The following SPIN1 variants were observed in gnomAD, a reference collection of about 807,000 sequenced individuals.
SPIN1 encodes the protein spindlin 1.
Under a neutral mutation model 26.0 loss-of-function variants are expected in SPIN1, and 3 were observed. The observed-to-expected ratio is 0.12, with a 90% CI of 0.05 to 0.30. The LOEUF is 0.30. Among genes scored for constraint, SPIN1 ranks in the 10% least tolerant of loss-of-function variants. SPIN1 has a pLI of 1.00. For missense variants in SPIN1, 126 were observed against 333.4 expected (o/e 0.38, Z 4.84); for synonymous variants, 101 against 116.5 (o/e 0.87, Z 0.86).
In SPIN1 at chr9:88,476,105, CAT is replaced by C. The variant is rs1828885191; in HGVS notation, c.*830_*831del. 1 of 151,412 alleles carries C rather than the reference CAT, an allele frequency of 6.6e-6. No homozygotes were observed. Among genetic ancestry groups the C allele is most frequent in the African/African-American group, 2.4e-5 (1 of 41,164 alleles). 9.4% of individuals were successfully genotyped at this position (151,412 alleles called of 1,614,324 possible). A position where few individuals can be genotyped will look rare whatever the true frequency, so the allele number is the denominator to read the frequency against. On this transcript the variant is annotated 3_prime_UTR_variant, in exon 6 of 6. Coordinates refer to ENST00000375859, the MANE Select transcript of SPIN1 (RefSeq NM_006717.3). ...TTTTGGGGGGGGGTTACATTTTAAT[CAT>C]AAATTCTTTTTTGCAAAGCCCAGGT...
intron 5 of SPIN1, among the ~76,000 whole-genome samples, chr9:88,471,654 C>CAAAAAAAA (rs1166469042): frequency 6.2e-4 from 37 of 59,730 alleles, no homozygotes; most frequent in Non-Finnish European, 7.1e-4. Context: ...GACTCTGTCT[C>CAAAAAAAA]AAAAAAAAAA....
At chr9:88,411,987 C>T (rs780403297) in intron 1 of SPIN1, among the ~76,000 whole-genome samples, 7 of 149,122 alleles carry the variant, frequency 4.7e-5, no homozygotes, top group African/African-American at 1.2e-4. Context: ...CTGGCTAGTG[C>T]GGTGAAACCC....
At chr9:88,455,706 A>C (rs973946558) in intron 3 of SPIN1, among the ~76,000 whole-genome samples, 1 of 152,184 alleles carries the variant, frequency 6.6e-6, no homozygotes, top group East Asian at 1.9e-4. Context: ...GACTGGGTAC[A>C]GTGGTTCATA....
At chr9:88,395,256 G>C (rs1183067318) in intron 1 of SPIN1, among the ~76,000 whole-genome samples, 1 of 151,780 alleles carries the variant, frequency 6.6e-6, no homozygotes, top group Non-Finnish European at 1.5e-5. Flanking sequence ...TTTTTGCTTT[G>C]TTTTTCTGAT....
At chr9:88,409,010 T>TGTGTGTGTGTGTGTGTG (rs1827377525) in intron 1 of SPIN1, among the ~76,000 whole-genome samples, 2 of 146,390 alleles carry the variant, frequency 1.4e-5, no homozygotes, top group Admixed American at 6.9e-5. Flanking sequence ...TGTGTGTGTG[T>TGTGTGTGTGTGTGTGTG]TTGAGATGAA....
At chr9:88,433,000 G>A (rs564007602) in intron 2 of SPIN1, among the ~76,000 whole-genome samples, 2 of 152,208 alleles carry the variant, frequency 1.3e-5, no homozygotes, top group South Asian at 2.1e-4. Context: ...ACAGGCACAT[G>A]TACCACTGCA....
chr9:88,438,840 G>A (rs997977763), intron 2 of SPIN1, among the ~76,000 whole-genome samples: 1 of 152,174 alleles, frequency 6.6e-6, no homozygotes, highest in African/African-American at 2.4e-5. Flanking sequence ...TGATGACATG[G>A]GGAAAATGTG....
chr9:88,468,314 A>T, intron 4 of SPIN1, 58 bp from the exon 5 acceptor site: 1 of 1,290,216 alleles, frequency 7.8e-7, no homozygotes, highest in Non-Finnish European at 1.0e-6. Flanking sequence ...TTCAGTCTTC[A>T]TAGTCGGTAA....
At chr9:88,441,737 C>T (rs1468312070) in intron 2 of SPIN1, among the ~76,000 whole-genome samples, 1 of 150,666 alleles carries the variant, frequency 6.6e-6, no homozygotes, top group Non-Finnish European at 1.5e-5. Flanking sequence ...GCCTGGGCCA[C>T]AGAGTGAGAC....
chr9:88,404,270 T>G (rs1239083077), intron 1 of SPIN1, among the ~76,000 whole-genome samples: 1 of 152,220 alleles, frequency 6.6e-6, no homozygotes, highest in Non-Finnish European at 1.5e-5. Context: ...TATTGTAGAC[T>G]GTGTATAAAC....
intron 2 of SPIN1, among the ~76,000 whole-genome samples, chr9:88,427,989 G>T (rs1007356450): frequency 6.6e-6 from 1 of 152,116 alleles, no homozygotes; most frequent in East Asian, 1.9e-4. Context: ...ACTTTTAATA[G>T]TGTTATTATT....
chr9:88,446,589 G>A (rs550684273), intron 2 of SPIN1, among the ~76,000 whole-genome samples: 4 of 151,950 alleles, frequency 2.6e-5, no homozygotes, highest in Non-Finnish European at 5.9e-5. Flanking sequence ...TGTATTTTTA[G>A]TAGAAACAGG....
chr9:88,399,778 T>C (rs1463319515), intron 1 of SPIN1, among the ~76,000 whole-genome samples: 1 of 152,158 alleles, frequency 6.6e-6, no homozygotes, highest in Admixed American at 6.5e-5. Context: ...TTCTGGGGAA[T>C]GTAGTTCAGC....
chr9:88,451,831 G>C (rs889979689), intron 3 of SPIN1, among the ~76,000 whole-genome samples: 2 of 152,182 alleles, frequency 1.3e-5, no homozygotes, highest in African/African-American at 4.8e-5. Flanking sequence ...AAAGTGCTGG[G>C]ATTATAGGCG....
intron 5 of SPIN1, among the ~76,000 whole-genome samples, chr9:88,469,940 C>T (rs1460624379): frequency 6.6e-6 from 1 of 152,162 alleles, no homozygotes; most frequent in African/African-American, 2.4e-5. Flanking sequence ...TTGTCATCAC[C>T]TCAAAAGAAA....
chr9:88,413,595 T>G (rs1827501059), intron 1 of SPIN1, among the ~76,000 whole-genome samples: 1 of 151,998 alleles, frequency 6.6e-6, no homozygotes, highest in Non-Finnish European at 1.5e-5. Context: ...GCCAGGCTGG[T>G]CTCAGACTCC....
intron 1 of SPIN1, among the ~76,000 whole-genome samples, chr9:88,425,725 C>T (rs893774226): frequency 2.6e-5 from 4 of 151,796 alleles, no homozygotes; most frequent in Non-Finnish European, 4.4e-5. Flanking sequence ...TTGGCATTTG[C>T]ATGGGTGAGG....
At chr9:88,437,211 C>CCAAAA (rs1828020302) in intron 2 of SPIN1, among the ~76,000 whole-genome samples, 1 of 152,006 alleles carries the variant, frequency 6.6e-6, no homozygotes, top group African/African-American at 2.4e-5. Context: ...AATAAAGCTG[C>CCAAAA]TATAGGCCGG....
intron 2 of SPIN1, among the ~76,000 whole-genome samples, chr9:88,443,981 C>T (rs1828191923): frequency 6.6e-6 from 1 of 151,932 alleles, no homozygotes; most frequent in Non-Finnish European, 1.5e-5. Context: ...TTACCATGGC[C>T]CTGGTTCCTG....
Sources: allele counts gnomAD v4.1 joint callset (sites outside exome capture counted in the v4.1 genomes callset), GRCh38; gene constraint gnomAD v4.1.1; transcripts MANE v1.5; gene names NCBI Gene and HGNC (gene_info 2026-07-23, HGNC 2026-07-21).